The following LOXL2 variants were observed in gnomAD, a reference collection of about 807,000 sequenced individuals.
The protein encoded by LOXL2 is lysyl oxidase homolog 2.
LOXL2 carries 70 observed loss-of-function variants against 93.0 expected under a neutral mutation model. The ratio of observed to expected loss-of-function variants is 0.75; its 90% CI spans 0.62 to 0.92. The LOEUF is 0.92. Ranked by LOEUF, LOXL2 falls within the 40% of genes least tolerant of loss-of-function variation. LOXL2 has a pLI of 0.00. For missense variants in LOXL2, 973 were observed against 1,054.9 expected (o/e 0.92, Z 1.08); for synonymous variants, 438 against 413.2 (o/e 1.06, Z -0.73).
intron 4 of LOXL2, among the ~76,000 whole-genome samples, chr8:23,340,037 T>C (rs1050180091): frequency 2.0e-5 from 3 of 152,194 alleles, no homozygotes; most frequent in African/African-American, 7.2e-5. Flanking sequence ...TCCTCTGATT[T>C]GGAAGGAAAG....
At chr8:23,379,007 G>A (rs1483359012) in intron 1 of LOXL2, among the ~76,000 whole-genome samples, 1 of 145,340 alleles carries the variant, frequency 6.9e-6, no homozygotes, top group East Asian at 2.2e-4. Flanking sequence ...GGGGAGAGGT[G>A]CTCTGGTTTT....
At chr8:23,386,396 AAAAG>A (rs977841894) in intron 1 of LOXL2, among the ~76,000 whole-genome samples, 81 of 152,294 alleles carry the variant, frequency 5.3e-4, no homozygotes, top group African/African-American at 1.9e-3. Context: ...CCCTCTCCAA[AAAAG>A]AAAGAAAGAG....
At chr8:23,356,328 C>T (rs1436912179) in intron 3 of LOXL2, among the ~76,000 whole-genome samples, 2 of 152,218 alleles carry the variant, frequency 1.3e-5, no homozygotes, top group African/African-American at 2.4e-5. Flanking sequence ...CTCTTATCCA[C>T]AAAAATTTAA....
intron 10 of LOXL2, 55 bp downstream of exon 10, chr8:23,309,613 G>A: frequency 7.3e-7 from 1 of 1,366,590 alleles, no homozygotes; most frequent in Non-Finnish European, 9.5e-7. Context: ...CCCATCTGAG[G>A]CCTGCAGGAT....
intron 1 of LOXL2, among the ~76,000 whole-genome samples, chr8:23,375,259 T>G (rs1247829731): frequency 6.6e-6 from 1 of 152,176 alleles, no homozygotes; most frequent in African/African-American, 2.4e-5. Context: ...TGGTTGTAGA[T>G]GTATGGTATT....
chr8:23,329,216 G>T (rs1803635151), intron 5 of LOXL2: 1 of 152,234 alleles, frequency 6.6e-6, no homozygotes, highest in Admixed American at 6.5e-5. Context: ...TCAGAGAATG[G>T]ATGGGGAGCC....
chr8:23,342,726 C>T (rs533443136), intron 3 of LOXL2, among the ~76,000 whole-genome samples: 28 of 151,898 alleles, frequency 1.8e-4, no homozygotes, highest in Admixed American at 9.8e-4. Context: ...CCACCGTGCC[C>T]GGCCTTTTTT....
intron 8 of LOXL2, 90 bp from the exon 9 acceptor site, chr8:23,317,204 C>T (rs1803417071): frequency 2.1e-6 from 3 of 1,404,104 alleles, no homozygotes; most frequent in African/African-American, 1.4e-5. Flanking sequence ...ACAAAAATCC[C>T]AATGTTTCAT....
intron 3 of LOXL2, among the ~76,000 whole-genome samples, chr8:23,343,985 T>C (rs1803927321): frequency 6.6e-6 from 1 of 152,242 alleles, no homozygotes; most frequent in Admixed American, 6.5e-5. Context: ...CGGGCTGACC[T>C]TCAGTTCACA....
At chr8:23,379,740 G>T (rs1412305488) in intron 1 of LOXL2, among the ~76,000 whole-genome samples, 1 of 152,244 alleles carries the variant, frequency 6.6e-6, no homozygotes, top group African/African-American at 2.4e-5. Context: ...CCCCGAGCCA[G>T]GCATGGGATA....
intron 5 of LOXL2, among the ~76,000 whole-genome samples, chr8:23,330,998 G>A (rs1257754758): frequency 6.6e-6 from 1 of 152,160 alleles, no homozygotes; most frequent in African/African-American, 2.4e-5. Flanking sequence ...TCTGGTTGAG[G>A]AGGGCTGGGC....
intron 1 of LOXL2, among the ~76,000 whole-genome samples, chr8:23,395,267 C>T (rs1585385516): frequency 1.3e-5 from 1 of 79,682 alleles, no homozygotes; most frequent in Non-Finnish European, 2.6e-5. Context: ...CAAAACAAAA[C>T]AAAGAAACAA....
At chr8:23,340,899 G>T in intron 4 of LOXL2, 93 bp downstream of exon 4, 1 of 1,208,636 alleles carries the variant, frequency 8.3e-7, no homozygotes, top group Non-Finnish European at 1.2e-6. Context: ...GCCATGCCTG[G>T]CCAAGGAAAG....
chr8:23,391,250 C>G (rs919158525), intron 1 of LOXL2, among the ~76,000 whole-genome samples: 2 of 152,158 alleles, frequency 1.3e-5, no homozygotes, highest in African/African-American at 2.4e-5. Flanking sequence ...AAACAAACAA[C>G]AACAAAACAA....
At chr8:23,360,025 A>C (rs537906214) in intron 3 of LOXL2, 65 bp downstream of exon 3, 1 of 1,469,210 alleles carries the variant, frequency 6.8e-7, no homozygotes, top group Non-Finnish European at 9.4e-7. Context: ...CAATACGCAA[A>C]AAGCGAGTTG....
At chr8:23,377,786 TG>T (rs1248879371) in intron 1 of LOXL2, among the ~76,000 whole-genome samples, 1 of 152,188 alleles carries the variant, frequency 6.6e-6, no homozygotes, top group Non-Finnish European at 1.5e-5. Context: ...GTTTTCCATT[TG>T]CTTGGTAGAT....
At chr8:23,345,396 A>G (rs1259046193) in intron 3 of LOXL2, among the ~76,000 whole-genome samples, 4 of 152,186 alleles carry the variant, frequency 2.6e-5, no homozygotes, top group African/African-American at 9.6e-5. Context: ...GGTGCTGTGC[A>G]CATTGGAAGC....
At chr8:23,346,175 AATAAAAT>A (rs1202835369) in intron 3 of LOXL2, among the ~76,000 whole-genome samples, 2 of 125,010 alleles carry the variant, frequency 1.6e-5, no homozygotes, top group African/African-American at 3.6e-5. Context: ...AAATAAAATA[AATAAAAT>A]AATAAAATAA....
Position 23,368,184 on chromosome 8 carries a change from A to C in LOXL2, c.168T>G (p.Ile56Met). 2 of 1,614,090 alleles carry C rather than the reference A, an allele frequency of 1.2e-6. No homozygotes were observed. Among genetic ancestry groups the C allele is most frequent in the Non-Finnish European group, 1.7e-6 (2 of 1,180,030 alleles). The change falls in exon 2 of 14, where the codon ATT becomes ATG. Residue 56 changes from isoleucine to methionine, a missense_variant. Transcript: ENST00000389131. Reference protein sequence around the residue: ...QPQAPANVAKIQLRLAGQKRK... With the variant: ...QPQAPANVAKMQLRLAGQKRK... ...TCTTCTGCCCAGCCAGGCGCAGCTGAATCTTGGCCACGTTGGCGGGGGCCT... is the reference window on the plus strand; with the variant it reads ...TCTTCTGCCCAGCCAGGCGCAGCTGCATCTTGGCCACGTTGGCGGGGGCCT...
Sources: gnomAD v4.1 joint callset for allele counts (sites outside exome capture counted in the v4.1 genomes callset) on GRCh38, gnomAD v4.1.1 for gene constraint, MANE v1.5 for transcripts, NCBI Gene and HGNC (gene_info 2026-07-23, HGNC 2026-07-21) for gene names.